Variants in COL18A1 observed in about 807,000 individuals in gnomAD.
COL18A1 encodes collagen alpha-1(XVIII) chain.
Under a neutral mutation model 168.0 loss-of-function variants are expected in COL18A1, and 133 were observed. The ratio of observed to expected loss-of-function variants is 0.79; its 90% CI spans 0.69 to 0.91. COL18A1 has a LOEUF of 0.91. Ranked by LOEUF, COL18A1 falls within the 40% of genes least tolerant of loss-of-function variation. The pLI, the probability that COL18A1 is intolerant of heterozygous loss-of-function variation, is 0.00. For missense variants in COL18A1, 2,126 were observed against 1,925.4 expected, an observed-to-expected ratio of 1.10 and a Z score of -1.95; for synonymous variants, 949 against 809.0, an observed-to-expected ratio of 1.17 and a Z score of -2.94.
At position 45,478,432 on chromosome 21, in the gene COL18A1, T is replaced by G. The variant is rs370787714; in HGVS notation, c.1248+79T>G. On this transcript the variant is annotated intron_variant, in intron 9 of 41. Coordinates refer to ENST00000651438, the MANE Select transcript of COL18A1 (RefSeq NM_001379500.1). The stretch of plus-strand genomic sequence containing the variant: ...CCCAGGGCTTTGTTGCCAGTGACAC[T>G]CTTTTTAAACGCGACCCAGTGAGGA... 791 of 1,600,866 alleles carry G rather than the reference T, an allele frequency of 4.9e-4. 2 individuals are homozygous for G. Among genetic ancestry groups the G allele is most frequent in the Non-Finnish European group, 4.8e-4 (566 of 1,167,892 alleles).
intron 3 of COL18A1, among the ~76,000 whole-genome samples, chr21:45,470,738 A>T (rs2035393222): frequency 6.6e-6 from 1 of 152,088 alleles, no homozygotes; most frequent in Non-Finnish European, 1.5e-5. Flanking sequence ...CCACCCGCCT[A>T]AGCCTCTCAA....
chr21:45,486,966 C>G lies in COL18A1; in HGVS notation c.1807C>G (p.Pro603Ala). The G allele has an allele frequency of 6.6e-7, 1 of 1,508,080 alleles. No homozygotes were observed. Among genetic ancestry groups the G allele is most frequent in the South Asian group, 1.3e-5 (1 of 77,670 alleles). 93.4% of individuals were successfully genotyped at this position (1,508,080 alleles called of 1,614,324 possible). ...AGGCCCCCCTGGGCCCCCTGGGCCC[C>G]CAGGACCAGGACTCCCCGCTGGATT... ...PPGPPGPPGPPGPGLPAGFDD... is the reference protein window; with the variant it reads ...PPGPPGPPGPAGPGLPAGFDD... Residue 603 changes from proline to alanine, a missense_variant, in exon 16 of 42, where the codon CCA becomes GCA. Coordinates refer to ENST00000651438, the MANE Select transcript of COL18A1 (RefSeq NM_001379500.1).
intron 6 of COL18A1, 40 bp from the exon 7 acceptor site, chr21:45,477,371 C>CG (rs758873865): frequency 1.1e-5 from 17 of 1,566,072 alleles, no homozygotes; most frequent in Admixed American, 1.1e-4. Flanking sequence ...TGGGGCCACC[C>CG]GGGGGGCGTG....
intron 2 of COL18A1, among the ~76,000 whole-genome samples, chr21:45,442,775 C>T (rs1433815407): frequency 0.011 from 692 of 62,560 alleles, 12 homozygotes; most frequent in Middle Eastern, 0.02. Context: ...CTGGTGTGGG[C>T]GGCGGTCCTG....
intron 3 of COL18A1, among the ~76,000 whole-genome samples, chr21:45,469,993 C>T (rs1283914704): frequency 5.3e-5 from 8 of 152,218 alleles, no homozygotes; most frequent in African/African-American, 1.9e-4. Flanking sequence ...TTGTGTGAGT[C>T]CCCAGCCGTT....
intron 32 of COL18A1, 161 bp downstream of exon 32, chr21:45,497,822 G>T (rs919641899): frequency 1.1e-6 from 1 of 952,178 alleles, no homozygotes; most frequent in Non-Finnish European, 1.6e-6. Flanking sequence ...GTTGATGGGG[G>T]CCTCATAGGA....
intron 39 of COL18A1, 84 bp from the exon 40 acceptor site, chr21:45,509,980 G>A: frequency 6.8e-7 from 1 of 1,461,092 alleles, no homozygotes; most frequent in South Asian, 1.2e-5. Flanking sequence ...GTCCACACAG[G>A]TGCGGGGCCG....
rs188564956 is a variant in COL18A1, at chr21:45,415,000, G to T, written c.106+9527G>T. On this transcript the variant is annotated intron_variant, in intron 2 of 41. Transcript: ENST00000651438. ...AGGGCATGAGAAGACCAGGAAGTGGGTTCCCCCTGGAGCCTCCAGAGGACC... is the reference window on the plus strand; with the variant it reads ...AGGGCATGAGAAGACCAGGAAGTGGTTTCCCCCTGGAGCCTCCAGAGGACC... Among the ~76,000 whole-genome samples, 8 of 152,240 alleles carry T rather than the reference G, an allele frequency of 5.3e-5. No individual in the cohort carries two copies. In the East Asian group the frequency reaches 1.5e-3, roughly 29 times the overall value.
At chr21:45,469,143 GCCGTGACC>G (rs2035321809) in intron 3 of COL18A1, among the ~76,000 whole-genome samples, 1 of 152,204 alleles carries the variant, frequency 6.6e-6, no homozygotes, top group African/African-American at 2.4e-5. Flanking sequence ...ATCCACCCCA[GCCGTGACC>G]CCGTGACCCA....
chr21:45,482,297 A>G, intron 14 of COL18A1: 1 of 661,862 alleles, frequency 1.5e-6, no homozygotes, highest in Non-Finnish European at 2.8e-6. Context: ...CCAAGCTTCC[A>G]CGTTGGTTAC....
chr21:45,486,730 C>A, intron 15 of COL18A1, 131 bp from the exon 16 acceptor site: 1 of 1,024,364 alleles, frequency 9.8e-7, no homozygotes, highest in Non-Finnish European at 1.4e-6. Context: ...GCCTGCGTTG[C>A]TTGGCAGAAT....
Position 45,509,519 on chromosome 21 carries a change from C to A in COL18A1, c.3413C>A (p.Pro1138Gln). ...LPEPQPYPGA[P>Q]HHSSYVHLRP... Reference sequence around the variant, plus strand: ...GAGCCCCAGCCCTACCCCGGAGCCCCGCACCACAGCTCCTACGTGCACCTG... The same window carrying A: ...GAGCCCCAGCCCTACCCCGGAGCCCAGCACCACAGCTCCTACGTGCACCTG... Residue 1138 changes from proline to glutamine, a missense_variant, in exon 39 of 42, where the codon CCG becomes CAG. Coordinates refer to ENST00000651438, the MANE Select transcript of COL18A1 (RefSeq NM_001379500.1). 2.0e-6 allele frequency: 3 copies of A among 1,534,388 alleles called. No individual in the cohort carries two copies. Among genetic ancestry groups the A allele is most frequent in the East Asian group, 2.4e-5 (1 of 41,868 alleles).
At chr21:45,486,580 ACCTCCCGCTGTGCATGTGGG>A (rs2036121095) in intron 15 of COL18A1, among the ~76,000 whole-genome samples, 1 of 151,722 alleles carries the variant, frequency 6.6e-6, no homozygotes, top group East Asian at 1.9e-4. Flanking sequence ...TGCCCTGTGC[ACCTCCCGCTGTGCATGTGGG>A]CCTCCCCCTG....
At chr21:45,497,856 C>G in intron 32 of COL18A1, 195 bp downstream of exon 32, 1 of 702,324 alleles carries the variant, frequency 1.4e-6, no homozygotes, top group Non-Finnish European at 2.4e-6. Context: ...GCGAGGGTGG[C>G]TGCAGGGCAC....
At chr21:45,492,442 G>A in intron 22 of COL18A1, 93 bp from the exon 23 acceptor site, 3 of 1,462,792 alleles carry the variant, frequency 2.1e-6, no homozygotes, top group Non-Finnish European at 2.9e-6. Flanking sequence ...GAATTTCCTG[G>A]TTTGGTGTTT....
chr21:45,435,682 G>A (rs566373160), intron 2 of COL18A1, among the ~76,000 whole-genome samples: 5 of 152,236 alleles, frequency 3.3e-5, no homozygotes, highest in African/African-American at 1.2e-4. Context: ...GGTAGACGCT[G>A]GGTGGATGGG....
At chr21:45,461,134 T>C (rs2035029767) in intron 2 of COL18A1, among the ~76,000 whole-genome samples, 2 of 152,198 alleles carry the variant, frequency 1.3e-5, no homozygotes, top group African/African-American at 4.8e-5. Context: ...GTAATCACCA[T>C]GTGTACATTA....
At chr21:45,508,290 AGG>A (rs2037356675) in intron 38 of COL18A1, among the ~76,000 whole-genome samples, 1 of 113,746 alleles carries the variant, frequency 8.8e-6, no homozygotes, top group Non-Finnish European at 1.8e-5. Context: ...GTAGATGGGG[AGG>A]TGGATGGGTG....
chr21:45,511,362 C>T lies in COL18A1; in HGVS notation c.3809+136C>T, dbSNP rs2037598654. 50 of 683,776 alleles carry T rather than the reference C, an allele frequency of 7.3e-5. No homozygotes were observed. The South Asian group carries it at 7.5e-4, about 10-fold the overall frequency. 42.4% of individuals were successfully genotyped at this position (683,776 alleles called of 1,614,324 possible). ...GCTCATTACTTTAAAATTACAAAATCCAAAAGAGCATTGAGAAAAATGAGA... is the reference window on the plus strand; with the variant it reads ...GCTCATTACTTTAAAATTACAAAATTCAAAAGAGCATTGAGAAAAATGAGA... On this transcript the variant is annotated intron_variant, in intron 41 of 41. Coordinates refer to ENST00000651438, the MANE Select transcript of COL18A1 (RefSeq NM_001379500.1).
Sources: gnomAD v4.1 joint callset for allele counts (sites outside exome capture counted in the v4.1 genomes callset) on GRCh38, gnomAD v4.1.1 for gene constraint, MANE v1.5 for transcripts, NCBI Gene and HGNC (gene_info 2026-07-23, HGNC 2026-07-21) for gene names.